LPP: variants seen among roughly 807,000 people sequenced by gnomAD.
LPP encodes the protein LIM domain containing preferred translocation partner in lipoma, also known as lipoma-preferred partner.
LPP carries 38 observed loss-of-function variants against 60.4 expected under a neutral mutation model. That is an observed-to-expected ratio of 0.63 (90% CI 0.49 to 0.83). The LOEUF is 0.83. LPP is among the 40% of genes least tolerant of loss of function. LPP has a pLI of 0.00. For missense variants in LPP, 902 were observed against 783.6 expected (o/e 1.15, Z -1.80); for synonymous variants, 328 against 290.8 (o/e 1.13, Z -1.30).
At chr3:188,427,857 G>C (rs1307971536) in intron 4 of LPP, among the ~76,000 whole-genome samples, 1 of 152,138 alleles carries the variant, frequency 6.6e-6, no homozygotes, top group Non-Finnish European at 1.5e-5. Flanking sequence ...CTCTGTGGGG[G>C]TGGGGTCCAC....
intron 6 of LPP, among the ~76,000 whole-genome samples, chr3:188,535,444 C>G (rs1823311255): frequency 6.6e-6 from 1 of 152,072 alleles, no homozygotes; most frequent in Non-Finnish European, 1.5e-5. Context: ...TTTATTTTTG[C>G]TGAATAAATA....
intron 5 of LPP, among the ~76,000 whole-genome samples, chr3:188,503,988 T>A (rs549536016): frequency 6.6e-6 from 1 of 152,192 alleles, no homozygotes; most frequent in Non-Finnish European, 1.5e-5. Context: ...TTGATCAAAT[T>A]TGGGGGAGTT....
chr3:188,341,967 C>T (rs755678514), intron 3 of LPP, among the ~76,000 whole-genome samples: 14 of 152,058 alleles, frequency 9.2e-5, no homozygotes, highest in East Asian at 5.8e-4. Context: ...GCCACACAGA[C>T]GATTCAGATT....
intron 8 of LPP, among the ~76,000 whole-genome samples, chr3:188,720,079 A>T (rs1461492136): frequency 6.6e-6 from 1 of 152,158 alleles, no homozygotes; most frequent in Admixed American, 6.5e-5. Context: ...CGCCCAGCTA[A>T]TTTTTGTATT....
intron 7 of LPP, among the ~76,000 whole-genome samples, chr3:188,638,400 C>T (rs1382451003): frequency 6.9e-6 from 1 of 144,414 alleles, no homozygotes; most frequent in Non-Finnish European, 1.5e-5. Context: ...AAACCCACAG[C>T]CAATATCATA....
chr3:188,197,573 A>G (rs1208128583), intron 1 of LPP, among the ~76,000 whole-genome samples: 1 of 152,128 alleles, frequency 6.6e-6, no homozygotes, highest in Non-Finnish European at 1.5e-5. Flanking sequence ...TGACCTCAGC[A>G]CCAGAGACAG....
chr3:188,813,683 A>G (rs1751696223), intron 9 of LPP, among the ~76,000 whole-genome samples: 1 of 152,192 alleles, frequency 6.6e-6, no homozygotes, highest in Non-Finnish European at 1.5e-5. Flanking sequence ...GCCTGGCTCC[A>G]TAAGATTATT....
chr3:188,259,732 G>A (rs1320619119), intron 2 of LPP, among the ~76,000 whole-genome samples: 1 of 152,142 alleles, frequency 6.6e-6, no homozygotes, highest in African/African-American at 2.4e-5. Context: ...GTTGTCCAAA[G>A]CTAATCTCTT....
intron 9 of LPP, among the ~76,000 whole-genome samples, chr3:188,835,401 C>T (rs1306616110): frequency 3.3e-5 from 5 of 149,280 alleles, no homozygotes; most frequent in Admixed American, 6.7e-5. Context: ...CTGAGGCGGG[C>T]GGATCACTTG....
At chr3:188,650,364 TC>T (rs771517476) in intron 7 of LPP, among the ~76,000 whole-genome samples, 1 of 152,212 alleles carries the variant, frequency 6.6e-6, no homozygotes, top group Non-Finnish European at 1.5e-5. Context: ...CATCATTTAT[TC>T]CCTGATTTAC....
At chr3:188,601,390 C>T (rs1841139633) in intron 6 of LPP, among the ~76,000 whole-genome samples, 1 of 152,110 alleles carries the variant, frequency 6.6e-6, no homozygotes, top group African/African-American at 2.4e-5. Flanking sequence ...AAAGTATAAA[C>T]TTTATTAGGG....
At chr3:188,407,776 T>A (rs3846180) in intron 4 of LPP, among the ~76,000 whole-genome samples, 1 of 59,828 alleles carries the variant, frequency 1.7e-5, no homozygotes. Flanking sequence ...TGGTTTTTTT[T>A]TTTGTTTGTT....
chr3:188,346,890 T>G (rs1394167484), intron 3 of LPP, among the ~76,000 whole-genome samples: 1 of 152,224 alleles, frequency 6.6e-6, no homozygotes, highest in South Asian at 2.1e-4. Context: ...AGGCTCGTTT[T>G]GTAGCATGAC....
chr3:188,267,991 C>T (rs570809607), intron 2 of LPP, among the ~76,000 whole-genome samples: 83 of 147,568 alleles, frequency 5.6e-4, no homozygotes, highest in African/African-American at 1.9e-3. Context: ...TGAGAGGAAT[C>T]GATGGAATTC....
intron 2 of LPP, among the ~76,000 whole-genome samples, chr3:188,316,783 T>C (rs1264985511): frequency 6.6e-6 from 1 of 152,234 alleles, no homozygotes; most frequent in Non-Finnish European, 1.5e-5. Context: ...AGGCAAATGA[T>C]TCATAAAAGT....
At chr3:188,592,557 G>GTTTTTGTTTTTTTTTTTTTT (rs1839048506) in intron 6 of LPP, among the ~76,000 whole-genome samples, 2 of 85,756 alleles carry the variant, frequency 2.3e-5, no homozygotes, top group African/African-American at 9.0e-5. Context: ...TTTTGTTTTT[G>GTTTTTGTTTTTTTTTTTTTT]TTTTTTAAAT....
intron 9 of LPP, among the ~76,000 whole-genome samples, chr3:188,763,097 GTC>G (rs1436111743): frequency 3.9e-5 from 6 of 152,244 alleles, no homozygotes; most frequent in African/African-American, 1.2e-4. Flanking sequence ...AGAACTATGC[GTC>G]TCTCTTGGAA....
intron 6 of LPP, among the ~76,000 whole-genome samples, chr3:188,580,893 G>T (rs749852147): frequency 2.0e-5 from 3 of 152,014 alleles, no homozygotes; most frequent in African/African-American, 7.2e-5. Flanking sequence ...GAAGCTACTT[G>T]CCACAATGAG....
At chr3:188,533,527 T>C (rs1822761572) in intron 6 of LPP, among the ~76,000 whole-genome samples, 1 of 152,238 alleles carries the variant, frequency 6.6e-6, no homozygotes, top group East Asian at 1.9e-4. Flanking sequence ...TTTCATGATT[T>C]GCTGAGAAAT....
Sources: gnomAD v4.1 joint callset for allele counts (sites outside exome capture counted in the v4.1 genomes callset) on GRCh38, gnomAD v4.1.1 for gene constraint, MANE v1.5 for transcripts, NCBI Gene and HGNC (gene_info 2026-07-23, HGNC 2026-07-21) for gene names.